Variants in ATP8A2 observed in about 807,000 individuals in gnomAD.
ATP8A2 encodes phospholipid-transporting ATPase IB.
In ATP8A2, 100 loss-of-function variants were observed where a neutral mutation model predicts 165.6. The ratio of observed to expected loss-of-function variants is 0.60; its 90% CI spans 0.51 to 0.71. The LOEUF (loss-of-function observed/expected upper bound fraction) is 0.71, where lower values mean the gene tolerates loss of function less well. Ranked by LOEUF, ATP8A2 falls within the 30% of genes least tolerant of loss-of-function variation. The pLI is 0.00. For missense variants in ATP8A2, 1,227 were observed against 1,479.5 expected (o/e 0.83, Z 2.80); for synonymous variants, 543 against 548.8 (o/e 0.99, Z 0.15).
intron 10 of ATP8A2, among the ~76,000 whole-genome samples, chr13:25,544,243 C>G (rs556897461): frequency 2.1e-4 from 32 of 152,326 alleles, no homozygotes; most frequent in South Asian, 2.1e-3. Flanking sequence ...GAGAGAGATA[C>G]TGGAATGTGT....
intron 25 of ATP8A2, among the ~76,000 whole-genome samples, chr13:25,704,672 G>C (rs1189550040): frequency 1.3e-5 from 2 of 152,094 alleles, no homozygotes; most frequent in African/African-American, 4.8e-5. Context: ...TTTATATCTA[G>C]GGGACCTTTA....
chr13:25,679,298 A>G (rs1021700347), intron 24 of ATP8A2, among the ~76,000 whole-genome samples: 2 of 152,238 alleles, frequency 1.3e-5, no homozygotes, highest in Non-Finnish European at 2.9e-5. Flanking sequence ...GTAACAGGAC[A>G]TTCTGGTTGT....
At chr13:26,002,716 C>T (rs1956654912) in intron 35 of ATP8A2, among the ~76,000 whole-genome samples, 1 of 152,030 alleles carries the variant, frequency 6.6e-6, no homozygotes, top group Non-Finnish European at 1.5e-5. Context: ...TTTTAAGATT[C>T]CATATATAAA....
At chr13:25,465,703 C>CTTTCTTTCT (rs2035627559) in intron 1 of ATP8A2, among the ~76,000 whole-genome samples, 1 of 20,836 alleles carries the variant, frequency 4.8e-5, no homozygotes, top group South Asian at 2.1e-3. Flanking sequence ...TTCTTTCTTT[C>CTTTCTTTCT]TTTCTTTCTT....
chr13:25,922,934 C>T (rs1954503040), intron 33 of ATP8A2, among the ~76,000 whole-genome samples: 1 of 152,182 alleles, frequency 6.6e-6, no homozygotes, highest in Admixed American at 6.5e-5. Flanking sequence ...GATGCCTTCT[C>T]TTACAGGGAA....
intron 33 of ATP8A2, among the ~76,000 whole-genome samples, chr13:25,919,378 A>G (rs1023948475): frequency 5.9e-5 from 9 of 152,056 alleles, no homozygotes; most frequent in African/African-American, 2.2e-4. Flanking sequence ...TCTCCTTTAT[A>G]ACTGTATTCA....
chr13:25,838,411 T>G (rs952788965), intron 29 of ATP8A2, among the ~76,000 whole-genome samples: 2 of 152,218 alleles, frequency 1.3e-5, no homozygotes, highest in Non-Finnish European at 2.9e-5. Context: ...CCTTGTTGAC[T>G]GTGATTCCGT....
chr13:25,438,802 C>A (rs970432951), intron 1 of ATP8A2, among the ~76,000 whole-genome samples: 5 of 152,160 alleles, frequency 3.3e-5, no homozygotes. Flanking sequence ...TATTTCATTT[C>A]ACTTTAGACC....
intron 1 of ATP8A2, among the ~76,000 whole-genome samples, chr13:25,439,555 T>C (rs1242485717): frequency 6.6e-6 from 1 of 152,170 alleles, no homozygotes; most frequent in Non-Finnish European, 1.5e-5. Context: ...ACTAGACACA[T>C]TTGCCACATA....
chr13:25,466,987 C>G (rs1593349400), intron 1 of ATP8A2, among the ~76,000 whole-genome samples: 1 of 152,348 alleles, frequency 6.6e-6, no homozygotes, highest in East Asian at 1.9e-4. Flanking sequence ...TGTCTTACAT[C>G]AGCAAATGCT....
chr13:25,398,858 GA>G (rs2033522178), intron 1 of ATP8A2, among the ~76,000 whole-genome samples: 2 of 151,954 alleles, frequency 1.3e-5, no homozygotes, highest in South Asian at 4.1e-4. Context: ...CTTCATGAGA[GA>G]AAAGGGTGCT....
At chr13:26,019,717 G>T (rs1208869270) in intron 36 of ATP8A2, among the ~76,000 whole-genome samples, 171 bp from the exon 37 acceptor site, 1 of 152,112 alleles carries the variant, frequency 6.6e-6, no homozygotes, top group Non-Finnish European at 1.5e-5. Flanking sequence ...GGCCGCCACG[G>T]CCCCTCTATG....
At chr13:25,377,086 C>G (rs1029846871) in intron 1 of ATP8A2, among the ~76,000 whole-genome samples, 1 of 152,226 alleles carries the variant, frequency 6.6e-6, no homozygotes, top group African/African-American at 2.4e-5. Flanking sequence ...AAACCCTCCT[C>G]AGAGGTGCCA....
rs1289981095 is a variant in ATP8A2, at chr13:25,576,986, C to A, written c.1713-83C>A. 2.3e-5 allele frequency: 26 copies of A among 1,131,008 alleles called. No homozygotes were observed. The South Asian group carries it at 3.0e-4, about 13-fold the overall frequency. The allele number at this position is 1,131,008 out of a possible 1,614,324, so 70.1% of individuals were successfully genotyped here. A position where few individuals can be genotyped will look rare whatever the true frequency, so the allele number is the denominator to read the frequency against. On this transcript the variant is annotated intron_variant, in intron 19 of 36. Coordinates refer to ENST00000381655, the MANE Select transcript of ATP8A2 (RefSeq NM_016529.6). ...TTCATTTTTAGGAACCCCAGACCCCCTTTTGTTTTGATTGGTGTTCAGCTG... is the reference window on the plus strand; with the variant it reads ...TTCATTTTTAGGAACCCCAGACCCCATTTTGTTTTGATTGGTGTTCAGCTG...
intron 30 of ATP8A2, among the ~76,000 whole-genome samples, chr13:25,858,583 A>G (rs1952239115): frequency 6.6e-6 from 1 of 152,184 alleles, no homozygotes; most frequent in Non-Finnish European, 1.5e-5. Context: ...AGTTCCACTT[A>G]TGACTCCATC....
intron 1 of ATP8A2, among the ~76,000 whole-genome samples, chr13:25,419,616 C>A (rs982689335): frequency 1.3e-5 from 2 of 151,568 alleles, no homozygotes; most frequent in Non-Finnish European, 1.5e-5. Flanking sequence ...GGGAAGAGCC[C>A]CTGAAAACCA....
intron 25 of ATP8A2, among the ~76,000 whole-genome samples, chr13:25,742,017 A>C (rs2043924065): frequency 6.6e-6 from 1 of 152,242 alleles, no homozygotes. Flanking sequence ...ATGGGGATAC[A>C]TTCTGAGATA....
At chr13:25,491,607 G>A (rs940100213) in intron 2 of ATP8A2, among the ~76,000 whole-genome samples, 4 of 152,150 alleles carry the variant, frequency 2.6e-5, no homozygotes, top group Admixed American at 2.0e-4. Flanking sequence ...GAGTTACTTC[G>A]ATTCTGTCAT....
chr13:25,765,362 G>A (rs978766786), intron 25 of ATP8A2, among the ~76,000 whole-genome samples: 1 of 152,144 alleles, frequency 6.6e-6, no homozygotes, highest in Non-Finnish European at 1.5e-5. Flanking sequence ...TATATGTTGG[G>A]AATACTTATT....
Sources: allele counts gnomAD v4.1 joint callset (sites outside exome capture counted in the v4.1 genomes callset), GRCh38; gene constraint gnomAD v4.1.1; transcripts MANE v1.5; gene names NCBI Gene and HGNC (gene_info 2026-07-23, HGNC 2026-07-21).